The following ANKS1B variants were observed in gnomAD, a reference collection of about 807,000 sequenced individuals.
The protein encoded by ANKS1B is ankyrin repeat and sterile alpha motif domain containing 1B, also known as ankyrin repeat and sterile alpha motif domain-containing protein 1B.
Under a neutral mutation model 148.3 loss-of-function variants are expected in ANKS1B, and 36 were observed. The observed-to-expected ratio is 0.24, with a 90% CI of 0.19 to 0.32. The LOEUF (loss-of-function observed/expected upper bound fraction) is 0.32. Ranked by LOEUF, ANKS1B falls within the 10% of genes least tolerant of loss-of-function variation. The pLI, the probability that ANKS1B is intolerant of heterozygous loss-of-function variation, is 1.00. For synonymous variants in ANKS1B, 542 were observed against 560.8 expected, an observed-to-expected ratio of 0.97 and a Z score of 0.47; for missense variants, 1,157 against 1,542.6, an observed-to-expected ratio of 0.75 and a Z score of 4.19.
At chr12:98,855,253 G>A (rs1275984257) in intron 17 of ANKS1B, among the ~76,000 whole-genome samples, 1 of 151,060 alleles carries the variant, frequency 6.6e-6, no homozygotes, top group African/African-American at 2.4e-5. Flanking sequence ...AAATATCTTC[G>A]TTGACAATTC....
intron 14 of ANKS1B, among the ~76,000 whole-genome samples, chr12:99,186,937 G>A (rs915863326): frequency 9.2e-5 from 14 of 151,424 alleles, no homozygotes; most frequent in Non-Finnish European, 1.2e-4. Flanking sequence ...CCGAGCTAAA[G>A]GAGCATGTTC....
chr12:99,205,383 G>A (rs1272837249), intron 14 of ANKS1B, among the ~76,000 whole-genome samples: 1 of 152,144 alleles, frequency 6.6e-6, no homozygotes, highest in Non-Finnish European at 1.5e-5. Context: ...ATGAGGTACT[G>A]CCTGTCCAGA....
chr12:99,016,571 G>T (rs2099942657), intron 17 of ANKS1B, among the ~76,000 whole-genome samples: 1 of 152,142 alleles, frequency 6.6e-6, no homozygotes, highest in African/African-American at 2.4e-5. Context: ...TAGGAGACTT[G>T]CTTGAAGCCG....
intron 1 of ANKS1B, among the ~76,000 whole-genome samples, chr12:99,832,363 G>A (rs1168366123): frequency 1.3e-5 from 2 of 151,962 alleles, no homozygotes; most frequent in Non-Finnish European, 2.9e-5. Context: ...TGAGGCGGGC[G>A]GATCACCTGA....
intron 8 of ANKS1B, 85 bp downstream of exon 8, chr12:99,772,837 T>C (rs1174157762): frequency 3.0e-6 from 4 of 1,315,202 alleles, no homozygotes; most frequent in Non-Finnish European, 4.1e-6. Flanking sequence ...AATCTGATAA[T>C]GCACCACATC....
chr12:99,599,355 G>T (rs1193490667), intron 9 of ANKS1B, among the ~76,000 whole-genome samples: 1 of 152,018 alleles, frequency 6.6e-6, no homozygotes, highest in Admixed American at 6.6e-5. Flanking sequence ...GGGTAAAATA[G>T]AAGAAACTAA....
At chr12:99,068,276 T>C (rs959926535) in intron 16 of ANKS1B, among the ~76,000 whole-genome samples, 21 of 152,142 alleles carry the variant, frequency 1.4e-4, no homozygotes, top group African/African-American at 4.8e-4. Context: ...TTAGGTGATT[T>C]TGTCATTGTG....
At chr12:99,432,060 C>A (rs58561980) in intron 11 of ANKS1B, among the ~76,000 whole-genome samples, 19,683 of 152,176 alleles carry the variant, frequency 0.13, 1,531 homozygotes, top group East Asian at 0.38. Context: ...CCAGACACCA[C>A]TGGAGTTTTG....
At chr12:99,630,448 G>GA (rs993139039) in intron 9 of ANKS1B, among the ~76,000 whole-genome samples, 12 of 150,232 alleles carry the variant, frequency 8.0e-5, no homozygotes, top group African/African-American at 2.4e-4. Context: ...GAATAATAAA[G>GA]AAAAAAAAAG....
chr12:98,827,405 C>T (rs899500923), intron 19 of ANKS1B, among the ~76,000 whole-genome samples: 8 of 152,222 alleles, frequency 5.3e-5, no homozygotes, highest in African/African-American at 1.9e-4. Flanking sequence ...CACTACGTCC[C>T]ATCAGCCTGC....
At chr12:99,049,931 G>C (rs566600133) in intron 17 of ANKS1B, among the ~76,000 whole-genome samples, 2 of 152,072 alleles carry the variant, frequency 1.3e-5, no homozygotes, top group South Asian at 2.1e-4. Context: ...TGTATCAAAG[G>C]CAGGCTACCC....
Position 99,399,679 on chromosome 12 carries a change from A to G in ANKS1B, c.1708T>C (p.Ser570Pro). The change falls in exon 12 of 27, where the codon TCT becomes CCT. Residue 570 changes from serine (S) to proline (P), a missense_variant. Around this residue, in one of 6 missense-constraint regions of ANKS1B, gnomAD observed 661 missense variants for 642.1 expected, o/e 1.03. Transcript: ENST00000683438. ...TTGACTTCTGTGGTTCCCACAGAAG[A>G]GGTGGGTGGACTAGCAGGAGGACTG... ...TASPPASPPT[S>P]SVGTTEVKNE... The G allele has an allele frequency of 6.2e-7, 1 of 1,613,508 alleles. No homozygotes were observed. The highest frequency in any genetic ancestry group is 8.5e-7 in the Non-Finnish European group (1 of 1,179,508).
intron 12 of ANKS1B, among the ~76,000 whole-genome samples, chr12:99,302,000 G>A (rs1178668725): frequency 6.6e-6 from 1 of 152,066 alleles, no homozygotes; most frequent in African/African-American, 2.4e-5. Context: ...GGAGAAGTGT[G>A]TACAGTAGAA....
intron 12 of ANKS1B, among the ~76,000 whole-genome samples, chr12:99,324,379 A>G (rs1302682517): frequency 6.6e-6 from 1 of 152,144 alleles, no homozygotes; most frequent in Non-Finnish European, 1.5e-5. Context: ...TCAGGACTCA[A>G]ACTCAGGCAG....
chr12:98,797,805 T>C (rs2098963627), intron 22 of ANKS1B, among the ~76,000 whole-genome samples: 1 of 152,210 alleles, frequency 6.6e-6, no homozygotes, highest in Non-Finnish European at 1.5e-5. Flanking sequence ...TATATGCTCT[T>C]AAATTATTTT....
intron 12 of ANKS1B, among the ~76,000 whole-genome samples, chr12:99,326,676 G>A (rs2086363747): frequency 6.6e-6 from 1 of 151,916 alleles, no homozygotes; most frequent in Admixed American, 6.6e-5. Context: ...AGCTTATGTT[G>A]AGAAAGTTTA....
intron 9 of ANKS1B, chr12:99,648,302 C>A: frequency 1.9e-6 from 3 of 1,614,190 alleles, no homozygotes; most frequent in Non-Finnish European, 2.5e-6. Flanking sequence ...TTCAGGTATG[C>A]ACCCATGTTT....
At chr12:99,253,062 A>G (rs2074821861) in intron 12 of ANKS1B, among the ~76,000 whole-genome samples, 1 of 152,092 alleles carries the variant, frequency 6.6e-6, no homozygotes, top group Non-Finnish European at 1.5e-5. Context: ...CATCTGTACA[A>G]AAAGTGTTTA....
chr12:99,078,888 T>A (rs1344807849), intron 16 of ANKS1B, among the ~76,000 whole-genome samples: 11 of 152,194 alleles, frequency 7.2e-5, no homozygotes, highest in Non-Finnish European at 1.6e-4. Context: ...CTTGTGTGAT[T>A]AGGTAGCAAA....
Sources: allele counts gnomAD v4.1 joint callset (sites outside exome capture counted in the v4.1 genomes callset), GRCh38; gene constraint gnomAD v4.1.1; regional missense constraint gnomAD v4.1.1; transcripts MANE v1.5; gene names NCBI Gene and HGNC (gene_info 2026-07-23, HGNC 2026-07-21).